ROS1: variants seen among roughly 807,000 people sequenced by gnomAD.
ROS1 encodes the protein proto-oncogene tyrosine-protein kinase ROS.
In ROS1, 263 loss-of-function variants were observed where a neutral mutation model predicts 273.5. The observed-to-expected ratio is 0.96, with a 90% confidence interval of 0.87 to 1.06. The LOEUF (loss-of-function observed/expected upper bound fraction) is 1.06. ROS1 is among the 50% of genes least tolerant of loss of function. The pLI is 0.00. For synonymous variants in ROS1, 1,008 were observed against 954.1 expected, an observed-to-expected ratio of 1.06 and a Z score of -1.04; for missense variants, 2,833 against 2,751.1, an observed-to-expected ratio of 1.03 and a Z score of -0.67.
At chr6:117,327,139 G>A (rs924018517) in intron 33 of ROS1, among the ~76,000 whole-genome samples, 1 of 152,140 alleles carries the variant, frequency 6.6e-6, no homozygotes, top group Non-Finnish European at 1.5e-5. Flanking sequence ...GCCAATCCAC[G>A]GTAAGCTTAG....
intron 43 of ROS1, among the ~76,000 whole-genome samples, chr6:117,300,368 G>C (rs1303112548): frequency 6.6e-6 from 1 of 151,832 alleles, no homozygotes; most frequent in Non-Finnish European, 1.5e-5. Flanking sequence ...CAAAGGATTA[G>C]ATATATACAT....
At chr6:117,338,696 G>A (rs191200402) in intron 31 of ROS1, among the ~76,000 whole-genome samples, 7 of 152,218 alleles carry the variant, frequency 4.6e-5, no homozygotes, top group Admixed American at 4.6e-4. Flanking sequence ...CAAGCTTACC[G>A]CTGGAAAATG....
chr6:117,291,273 T>C (rs1029073716), intron 43 of ROS1, among the ~76,000 whole-genome samples: 1 of 152,242 alleles, frequency 6.6e-6, no homozygotes, highest in African/African-American at 2.4e-5. Flanking sequence ...TTTGATGATA[T>C]TCCCTGTTAA....
chr6:117,332,325 G>A (rs1562280480), intron 32 of ROS1, among the ~76,000 whole-genome samples: 1 of 152,148 alleles, frequency 6.6e-6, no homozygotes, highest in East Asian at 1.9e-4. Flanking sequence ...CCCAATACAA[G>A]AGCACCCAGA....
chr6:117,348,372 G>A (rs1778543368), intron 27 of ROS1, among the ~76,000 whole-genome samples: 1 of 151,942 alleles, frequency 6.6e-6, no homozygotes, highest in Non-Finnish European at 1.5e-5. Flanking sequence ...TGTGAGCATA[G>A]AGTTGTTAAT....
At position 117,328,798 on chromosome 6, in the gene ROS1, G is replaced by C; in HGVS notation, c.5348+531C>G. ...TCATCAGTGGCTGGTTTTCATCGAC[G>C]GTGTGTTTTCAGTCCCTGGGAACAC... On this transcript the variant is annotated intron_variant, in intron 33 of 43. Coordinates refer to ENST00000368507, the MANE Select transcript of ROS1 (RefSeq NM_001378902.1). The C allele has an allele frequency of 6.5e-6, 4 of 613,396 alleles. No homozygotes were observed. The East Asian group carries it at 1.3e-4, about 21-fold the overall frequency. The allele number at this position is 613,396 out of a possible 1,614,324, so 38.0% of individuals were successfully genotyped here.
Position 117,394,638 on chromosome 6 carries a change from A to G in ROS1, c.984T>C (p.Asp328=), listed in dbSNP as rs770286009. 1.9e-6 allele frequency: 3 copies of G among 1,611,174 alleles called. No homozygotes were observed. Among genetic ancestry groups the G allele is most frequent in the Non-Finnish European group, 2.5e-6 (3 of 1,178,058 alleles). Residue 328 remains aspartate, a synonymous_variant, in exon 10 of 44, where the codon GAT becomes GAC. Coordinates refer to ENST00000368507, the MANE Select transcript of ROS1 (RefSeq NM_001378902.1). The part of the protein sequence containing the change: ...LVDEAHCLRL[D]AIYHNITGIS... ...GACCTGTAATATTATGGTATATAGCATCCAACCGAAGGCAATGTGCTTCAT... is the reference window on the plus strand; with the variant it reads ...GACCTGTAATATTATGGTATATAGCGTCCAACCGAAGGCAATGTGCTTCAT...
chr6:117,354,216 G>A (rs753024625), intron 26 of ROS1, among the ~76,000 whole-genome samples: 24 of 152,146 alleles, frequency 1.6e-4, no homozygotes, highest in Non-Finnish European at 3.2e-4. Flanking sequence ...AGTGAGGCAT[G>A]GTAGTGTGCA....
intron 24 of ROS1, among the ~76,000 whole-genome samples, chr6:117,358,719 T>C (rs533064586): frequency 6.6e-6 from 1 of 152,254 alleles, no homozygotes; most frequent in Admixed American, 6.5e-5. Flanking sequence ...CTTGGCCTCC[T>C]ACAGTGTTGG....
At chr6:117,407,541 T>C (rs558002766) in intron 5 of ROS1, among the ~76,000 whole-genome samples, 3 of 152,246 alleles carry the variant, frequency 2.0e-5, no homozygotes, top group East Asian at 3.9e-4. Flanking sequence ...TGGGGAGTCA[T>C]ACACACAGTA....
chr6:117,298,712 T>G (rs1774445392), intron 43 of ROS1, among the ~76,000 whole-genome samples: 1 of 152,202 alleles, frequency 6.6e-6, no homozygotes, highest in African/African-American at 2.4e-5. Flanking sequence ...ACTACTAAAC[T>G]TGGCAAACAA....
chr6:117,389,297 C>G, intron 13 of ROS1, 53 bp downstream of exon 13: 4 of 1,541,526 alleles, frequency 2.6e-6, no homozygotes, highest in Non-Finnish European at 3.5e-6. Context: ...GCAGTTCAAA[C>G]CTTCCTCTTA....
chr6:117,305,779 T>G (rs959256234), intron 42 of ROS1, among the ~76,000 whole-genome samples: 2 of 152,302 alleles, frequency 1.3e-5, no homozygotes, highest in East Asian at 3.9e-4. Context: ...ATGGAGGATC[T>G]TCCCTTACAA....
rs1780205508 is a variant in ROS1, at chr6:117,366,122, T to C, written c.2751A>G (p.Arg917=). 6.2e-7 allele frequency: 1 copy of C among 1,614,066 alleles called. No individual in the cohort carries two copies. Among genetic ancestry groups the C allele is most frequent in the Non-Finnish European group, 8.5e-7 (1 of 1,180,012 alleles). The change falls in exon 19 of 44, where the codon AGA becomes AGG. Residue 917 remains arginine (R), a synonymous_variant. Transcript: ENST00000368507. ...KTSVSVLEPA[R]FNQFTIIQTS... ...TCTGAATAATTGTGAACTGATTAAA[T>C]CTGGCTGGTTCCAAAACAGAGACAC...
At chr6:117,388,181 G>A (rs142558381) in intron 13 of ROS1, 189 bp from the exon 14 acceptor site, 16 of 840,354 alleles carry the variant, frequency 1.9e-5, no homozygotes, top group East Asian at 7.6e-5. Context: ...TCCTCATGCC[G>A]CTCATTTGGC....
At position 117,362,120 on chromosome 6, in the gene ROS1, A is replaced by T. The variant is rs569919669; in HGVS notation, c.3366+483T>A. 2.8e-4 allele frequency among the ~76,000 whole-genome samples: 42 copies of T among 152,284 alleles called. No individual in the cohort carries two copies. In the South Asian group the frequency reaches 8.3e-3, roughly 30 times the overall value. ...CATGATACAGCTTCAAAAGAAAAGCAAAAAGAAAAAGAATGACTTACTCTG... is the reference window on the plus strand; with the variant it reads ...CATGATACAGCTTCAAAAGAAAAGCTAAAAGAAAAAGAATGACTTACTCTG... On this transcript the variant is annotated intron_variant, in intron 22 of 43. Coordinates refer to ENST00000368507, the MANE Select transcript of ROS1 (RefSeq NM_001378902.1).
intron 21 of ROS1, among the ~76,000 whole-genome samples, chr6:117,363,973 A>G (rs1780005985): frequency 6.6e-6 from 1 of 152,190 alleles, no homozygotes; most frequent in South Asian, 2.1e-4. Context: ...GCTATATTGT[A>G]AATTTCCTGA....
rs372009449 is a variant in ROS1 at position 117,396,920 on chromosome 6, G to A, written c.801C>T (p.Ile267=). The A allele has an allele frequency of 1.2e-6, 2 of 1,607,476 alleles. No homozygotes were observed. Among genetic ancestry groups the A allele is most frequent in the African/African-American group, 2.7e-5 (2 of 74,748 alleles). The change falls in exon 8 of 44, where the codon ATC becomes ATT. Residue 267 remains isoleucine (I), a synonymous_variant. Transcript: ENST00000368507. Reference sequence around the variant, plus strand: ...CTGTATCACTTAATTCTTACCTGTAGATAGTATTTGGTAAAGTGGAGTAAA... The same window carrying A: ...CTGTATCACTTAATTCTTACCTGTAAATAGTATTTGGTAAAGTGGAGTAAA... The part of the protein sequence containing the change: ...FQFYSTLPNT[I]YRFSIAAVNE...
chr6:117,292,083 C>CCTCA (rs1773875980), intron 43 of ROS1, among the ~76,000 whole-genome samples: 1 of 152,004 alleles, frequency 6.6e-6, no homozygotes, highest in East Asian at 1.9e-4. Context: ...CATTCTCCTA[C>CCTCA]CTCAGCCTCT....
Sources: gnomAD v4.1 joint callset for allele counts (sites outside exome capture counted in the v4.1 genomes callset) on GRCh38, gnomAD v4.1.1 for gene constraint, MANE v1.5 for transcripts, NCBI Gene and HGNC (gene_info 2026-07-23, HGNC 2026-07-21) for gene names.